The following ZFAT variants were observed in gnomAD, a reference collection of about 807,000 sequenced individuals.
ZFAT encodes the protein zinc finger and AT-hook domain containing, also known as zinc finger protein ZFAT.
Under a neutral mutation model 117.7 loss-of-function variants are expected in ZFAT, and 64 were observed. The ratio of observed to expected loss-of-function variants is 0.54; its 90% CI spans 0.44 to 0.67. The LOEUF is 0.67. Among genes scored for constraint, ZFAT ranks in the 30% least tolerant of loss-of-function variants. ZFAT has a pLI of 0.00. For missense variants in ZFAT, 1,433 were observed against 1,584.5 expected, an observed-to-expected ratio of 0.90 and a Z score of 1.62; for synonymous variants, 679 against 615.0, an observed-to-expected ratio of 1.10 and a Z score of -1.54.
In ZFAT at chr8:134,596,091, G is replaced by C. The variant is rs184608867; in HGVS notation, c.2475+4345C>G. ...CACGCTGGTGCAAGGTCTCGCCCCA[G>C]GTCCCATGCCTTTCCTGATCAGAAC... is the stretch of plus-strand genomic sequence containing the variant. On this transcript the variant is annotated intron_variant, in intron 7 of 15. Transcript: ENST00000377838. Among the ~76,000 whole-genome samples, 8 of 152,278 alleles carry C rather than the reference G, an allele frequency of 5.3e-5. No individual in the cohort carries two copies. The East Asian group carries it at 1.5e-3, about 29-fold the overall frequency.
At chr8:134,521,412 T>C (rs1820645882) in intron 12 of ZFAT, among the ~76,000 whole-genome samples, 2 of 152,176 alleles carry the variant, frequency 1.3e-5, no homozygotes, top group Non-Finnish European at 2.9e-5. Flanking sequence ...CTTAATCTCC[T>C]TTGTCCCAAA....
chr8:134,636,099 T>C (rs894598072), intron 3 of ZFAT, among the ~76,000 whole-genome samples: 1 of 152,238 alleles, frequency 6.6e-6, no homozygotes, highest in Non-Finnish European at 1.5e-5. Context: ...CCAACCTAGA[T>C]GCTCCATAAA....
At chr8:134,695,572 C>T (rs1190580704) in intron 1 of ZFAT, among the ~76,000 whole-genome samples, 2 of 151,470 alleles carry the variant, frequency 1.3e-5, no homozygotes, top group Non-Finnish European at 3.0e-5. Flanking sequence ...CCCCCAGGCC[C>T]AGGCGGCATC....
intron 15 of ZFAT, among the ~76,000 whole-genome samples, chr8:134,492,092 G>C (rs1249974069): frequency 6.6e-6 from 1 of 151,788 alleles, no homozygotes; most frequent in East Asian, 1.9e-4. Context: ...TGAGTAAAAG[G>C]AGTGTTATAA....
At chr8:134,485,244 C>G (rs574182878) in intron 15 of ZFAT, among the ~76,000 whole-genome samples, 39 of 152,290 alleles carry the variant, frequency 2.6e-4, no homozygotes, top group African/African-American at 8.9e-4. Context: ...CTCCGCCTGG[C>G]CTCTGAGCCT....
intron 1 of ZFAT, among the ~76,000 whole-genome samples, chr8:134,671,117 T>C (rs574867035): frequency 3.3e-5 from 5 of 152,110 alleles, no homozygotes; most frequent in Admixed American, 6.5e-5. Context: ...ATTAATAGCA[T>C]ACCAACCAAA....
chr8:134,696,187 C>A (rs1332918047), intron 1 of ZFAT, among the ~76,000 whole-genome samples: 1 of 152,178 alleles, frequency 6.6e-6, no homozygotes, highest in African/African-American at 2.4e-5. Context: ...GGCCCCATCT[C>A]TAACCAAGGA....
intron 11 of ZFAT, among the ~76,000 whole-genome samples, chr8:134,545,091 G>A (rs1822588735): frequency 6.6e-6 from 1 of 152,204 alleles, no homozygotes; most frequent in Non-Finnish European, 1.5e-5. Context: ...CATCATGCTA[G>A]GTTCACATGG....
intron 11 of ZFAT, among the ~76,000 whole-genome samples, chr8:134,550,292 C>T (rs1420436776): frequency 2.3e-5 from 3 of 128,518 alleles, no homozygotes; most frequent in African/African-American, 8.7e-5. Flanking sequence ...TACATTCCAT[C>T]CAGGGTTGGT....
At chr8:134,729,848 C>G in the ZFAT span, among the ~76,000 whole-genome samples, 1 of 152,188 alleles carries the variant, frequency 6.6e-6, no homozygotes, top group Non-Finnish European at 1.5e-5. Flanking sequence ...TTAAGAGTAT[C>G]CACTCCATGG....
intron 10 of ZFAT, 81 bp downstream of exon 10, chr8:134,583,751 C>G (rs1426932331): frequency 2.6e-5 from 40 of 1,526,428 alleles, no homozygotes; most frequent in Non-Finnish European, 3.2e-5. Flanking sequence ...GCCTCTGGTA[C>G]AGCAAGTTTC....
intron 1 of ZFAT, among the ~76,000 whole-genome samples, chr8:134,665,513 A>G (rs1832168879): frequency 6.6e-6 from 1 of 152,230 alleles, no homozygotes. Context: ...TGAGTGGAAC[A>G]AGACAGGGTT....
intron 1 of ZFAT, among the ~76,000 whole-genome samples, chr8:134,703,705 C>A (rs892280537): frequency 6.6e-6 from 1 of 152,210 alleles, no homozygotes; most frequent in Non-Finnish European, 1.5e-5. Flanking sequence ...GTGTGAAGCA[C>A]CTGACTGAGC....
intron 1 of ZFAT, among the ~76,000 whole-genome samples, chr8:134,699,961 C>G (rs1780085638): frequency 6.6e-6 from 1 of 152,214 alleles, no homozygotes; most frequent in South Asian, 2.1e-4. Context: ...GGGCCAAGGA[C>G]AGCTGCAAGT....
At chr8:134,748,997 A>C in the ZFAT span, among the ~76,000 whole-genome samples, 1 of 152,154 alleles carries the variant, frequency 6.6e-6, no homozygotes. Flanking sequence ...AAGAAAAAAA[A>C]GTGCAGCCTA....
At chr8:134,491,113 A>G (rs924678738) in intron 15 of ZFAT, among the ~76,000 whole-genome samples, 1 of 152,244 alleles carries the variant, frequency 6.6e-6, no homozygotes, top group Non-Finnish European at 1.5e-5. Context: ...AAAATAAACA[A>G]TAACAACAAC....
chr8:134,801,504 G>A, the ZFAT span, among the ~76,000 whole-genome samples: 1 of 152,028 alleles, frequency 6.6e-6, no homozygotes, highest in East Asian at 1.9e-4. Context: ...CAGGAACCTC[G>A]CCAGTCTCTA....
In ZFAT at chr8:134,609,018, G is replaced by A. The variant is rs188702205; in HGVS notation, c.635-139C>T. The A allele has an allele frequency of 3.8e-3, 4,007 of 1,067,050 alleles. 17 individuals carry two copies. Among genetic ancestry groups the A allele is most frequent in the Non-Finnish European group, 4.5e-3 (3,588 of 790,986 alleles). The allele number at this position is 1,067,050 out of a possible 1,614,324, so 66.1% of individuals were successfully genotyped here. Reference sequence around the variant, plus strand: ...ACGCAAGATAGTTTTCACTCAGCTCGCACATTTACATTTTTTGGGTGAGTG... The same window carrying A: ...ACGCAAGATAGTTTTCACTCAGCTCACACATTTACATTTTTTGGGTGAGTG... On this transcript the variant is annotated intron_variant, in intron 4 of 15. Transcript: ENST00000377838.
chr8:134,690,106 G>A (rs1374509761), intron 1 of ZFAT, among the ~76,000 whole-genome samples: 2 of 152,142 alleles, frequency 1.3e-5, no homozygotes, highest in African/African-American at 2.4e-5. Context: ...ATCAAAGTTT[G>A]GACTAGGCAT....
Sources: allele counts gnomAD v4.1 joint callset (sites outside exome capture counted in the v4.1 genomes callset), GRCh38; gene constraint gnomAD v4.1.1; transcripts MANE v1.5; gene names NCBI Gene and HGNC (gene_info 2026-07-23, HGNC 2026-07-21).